Variants in MPDZ observed in about 807,000 individuals in gnomAD.
MPDZ encodes the protein multiple PDZ domain protein.
Under a neutral mutation model 239.1 loss-of-function variants are expected in MPDZ, and 234 were observed. The observed-to-expected ratio is 0.98, with a 90% confidence interval of 0.88 to 1.09. The LOEUF (loss-of-function observed/expected upper bound fraction) is 1.09, where lower values mean the gene tolerates loss of function less well. MPDZ is among the 50% of genes least tolerant of loss of function. The pLI is 0.00. For missense variants in MPDZ, 3,175 were observed against 2,510.0 expected (o/e 1.26, Z -5.66); for synonymous variants, 1,048 against 881.3 (o/e 1.19, Z -3.35).
intron 42 of MPDZ, 35 bp from the exon 43 acceptor site, chr9:13,112,181 T>G (rs538239308): frequency 6.3e-7 from 1 of 1,574,908 alleles, no homozygotes; most frequent in East Asian, 2.3e-5. Context: ...TTGGTCAAAG[T>G]GATATTTTTC....
chr9:13,114,630 G>C (rs9987895), intron 40 of MPDZ, among the ~76,000 whole-genome samples: 1 of 152,034 alleles, frequency 6.6e-6, no homozygotes, highest in Admixed American at 6.5e-5. Context: ...GGCCAGGTAC[G>C]GTGGCTCATG....
intron 3 of MPDZ, among the ~76,000 whole-genome samples, chr9:13,231,504 T>A (rs923450604): frequency 6.6e-6 from 1 of 151,832 alleles, no homozygotes; most frequent in African/African-American, 2.4e-5. Context: ...GAGGTGGAGG[T>A]TGCAGTGAGC....
At chr9:13,257,249 A>G (rs1412370843) in intron 1 of MPDZ, among the ~76,000 whole-genome samples, 1 of 152,168 alleles carries the variant, frequency 6.6e-6, no homozygotes, top group Non-Finnish European at 1.5e-5. Flanking sequence ...TGCAGTTTAT[A>G]CACGTTCCAT....
chr9:13,146,229 C>T (rs1948416534), intron 26 of MPDZ, among the ~76,000 whole-genome samples: 1 of 151,922 alleles, frequency 6.6e-6, no homozygotes, highest in Non-Finnish European at 1.5e-5. Flanking sequence ...TTACAGTAAA[C>T]CCAGACCACA....
chr9:13,109,842 T>C, intron 45 of MPDZ, 110 bp downstream of exon 45: 1 of 811,142 alleles, frequency 1.2e-6, no homozygotes, highest in Middle Eastern at 2.6e-4. Flanking sequence ...ATATATCCTA[T>C]CATTTTACCT....
chr9:13,230,816 C>T (rs978123403), intron 3 of MPDZ, among the ~76,000 whole-genome samples: 10 of 151,932 alleles, frequency 6.6e-5, no homozygotes, highest in Admixed American at 2.6e-4. Flanking sequence ...AATGAAGATA[C>T]GACATACTGC....
chr9:13,165,306 T>C, intron 22 of MPDZ: 1 of 1,519,816 alleles, frequency 6.6e-7, no homozygotes, highest in Non-Finnish European at 8.9e-7. Flanking sequence ...AGCACAAAAT[T>C]GTTTTCACAG....
intron 10 of MPDZ, among the ~76,000 whole-genome samples, chr9:13,209,593 A>T (rs1321829648): frequency 1.3e-5 from 2 of 152,220 alleles, no homozygotes; most frequent in African/African-American, 4.8e-5. Flanking sequence ...ATCACGGTCC[A>T]AAAGCAGGTT....
chr9:13,198,747 G>C (rs1323178677), intron 12 of MPDZ, among the ~76,000 whole-genome samples: 13 of 138,364 alleles, frequency 9.4e-5, no homozygotes, highest in Middle Eastern at 3.7e-3. Context: ...CTGTGTGTGT[G>C]TGTGTGTGTG....
At chr9:13,220,245 C>G (rs1958928546) in intron 7 of MPDZ, among the ~76,000 whole-genome samples, 1 of 151,876 alleles carries the variant, frequency 6.6e-6, no homozygotes, top group African/African-American at 2.4e-5. Flanking sequence ...AACTCATGTG[C>G]AGGTGAAATA....
chr9:13,181,438 T>C (rs73649154), intron 19 of MPDZ, among the ~76,000 whole-genome samples: 10 of 152,276 alleles, frequency 6.6e-5, no homozygotes, highest in African/African-American at 1.9e-4. Flanking sequence ...ATTAGAAAGT[T>C]GTCACCAAAA....
chr9:13,136,007 C>G, intron 31 of MPDZ, 85 bp downstream of exon 31: 2 of 902,104 alleles, frequency 2.2e-6, no homozygotes, highest in Non-Finnish European at 3.5e-6. Flanking sequence ...ATATCCCTCT[C>G]TAAGTGTTAT....
At chr9:13,260,267 G>A (rs1437516650) in intron 1 of MPDZ, among the ~76,000 whole-genome samples, 2 of 152,034 alleles carry the variant, frequency 1.3e-5, no homozygotes, top group African/African-American at 4.8e-5. Flanking sequence ...CCAGGTAAGA[G>A]GCATTTTCAA....
intron 10 of MPDZ, among the ~76,000 whole-genome samples, chr9:13,207,344 C>T (rs546708323): frequency 6.6e-6 from 1 of 152,210 alleles, no homozygotes; most frequent in South Asian, 2.1e-4. Flanking sequence ...TTAGAATGGC[C>T]TGTGCCAACT....
rs1016359553 is a variant in MPDZ, at chr9:13,110,535, A to C, written c.5829+101T>G. 26 of 801,902 alleles carry C rather than the reference A, an allele frequency of 3.2e-5. No homozygotes were observed. The African/African-American group carries it at 4.3e-4, about 13-fold the overall frequency. 49.7% of individuals were successfully genotyped at this position (801,902 alleles called of 1,614,324 possible). The stretch of plus-strand genomic sequence containing the variant: ...ATGTTCAAGAGAAATATTAAATAAA[A>C]TAATAGCAGAAGATTTAATCATTTT... On this transcript the variant is annotated intron_variant, in intron 44 of 46. Transcript: ENST00000319217.
At chr9:13,118,013 T>C (rs1373802812) in intron 39 of MPDZ, among the ~76,000 whole-genome samples, 1 of 151,736 alleles carries the variant, frequency 6.6e-6, no homozygotes, top group Non-Finnish European at 1.5e-5. Flanking sequence ...CCTGGCTAAT[T>C]TTGTATTTTT....
In MPDZ at chr9:13,121,753, A is replaced by G; in HGVS notation, c.5217T>C (p.Ser1739=). ...CTCAATCACACCTTTTACCAACAAT[A>G]CTTAATCCTAGGCCTTTTCCCGGCT... ...QKKPGKGLGL[S]IVGKRNDTGV... Residue 1739 remains serine (S), a synonymous_variant, in exon 38 of 47, where the codon AGT becomes AGC. Transcript: ENST00000319217. 1.2e-6 allele frequency: 2 copies of G among 1,613,934 alleles called. No homozygotes were observed. Among genetic ancestry groups the G allele is most frequent in the Non-Finnish European group, 1.7e-6 (2 of 1,179,874 alleles).
chr9:13,132,573 T>C (rs1946161338), intron 32 of MPDZ, among the ~76,000 whole-genome samples: 1 of 152,212 alleles, frequency 6.6e-6, no homozygotes, highest in African/African-American at 2.4e-5. Context: ...CAGGTAGCCA[T>C]CAGGCAACTC....
intron 3 of MPDZ, among the ~76,000 whole-genome samples, chr9:13,226,259 A>G (rs1960561470): frequency 2.0e-5 from 3 of 152,170 alleles, no homozygotes; most frequent in Admixed American, 2.0e-4. Flanking sequence ...AAATGATTCT[A>G]TAATTATTTG....
Sources: allele counts gnomAD v4.1 joint callset (sites outside exome capture counted in the v4.1 genomes callset), GRCh38; gene constraint gnomAD v4.1.1; transcripts MANE v1.5; gene names NCBI Gene and HGNC (gene_info 2026-07-23, HGNC 2026-07-21).